The following C11orf87 variants were observed in gnomAD, a reference collection of about 807,000 sequenced individuals.
C11orf87 encodes the protein chromosome 11 open reading frame 87.
A neutral mutation model predicts 9.2 loss-of-function variants in C11orf87; 3 were observed. The ratio of observed to expected loss-of-function variants is 0.33; its 90% confidence interval spans 0.15 to 0.84. The LOEUF is 0.84. Among genes scored for constraint, C11orf87 ranks in the 40% least tolerant of loss-of-function variants. C11orf87 has a pLI of 0.55. For synonymous variants in C11orf87, 124 were observed against 124.6 expected (o/e 1.00, Z 0.03); for missense variants, 256 against 270.7 (o/e 0.95, Z 0.38).
Position 109,424,170 on chromosome 11 carries a change from T to A in C11orf87, c.537T>A (p.Ala179=), listed in dbSNP as rs1860539236. The A allele has an allele frequency of 1.2e-6, 2 of 1,614,072 alleles. No homozygotes were observed. Among genetic ancestry groups the A allele is most frequent in the Non-Finnish European group, 1.7e-6 (2 of 1,180,044 alleles). The change falls in exon 2 of 2, where the codon GCT becomes GCA. Residue 179 remains alanine (A), a synonymous_variant. Coordinates refer to ENST00000327419, the MANE Select transcript of C11orf87 (RefSeq NM_207645.4). The surrounding 1 kb of genome is among the most constrained non-coding windows in gnomAD (Gnocchi z 4.7). The part of the protein sequence containing the change: ...PASSPQGAHA[A]SSCLDTAGEG... ...CCAGTCCCCAAGGAGCACACGCAGC[T>A]TCCTCCTGTTTGGACACAGCTGGCG...
At position 109,424,655 on chromosome 11, in the gene C11orf87, G is replaced by A. The variant is rs999733979; in HGVS notation, c.*428G>A. The A allele has an allele frequency of 1.2e-5, 2 of 167,322 alleles. No individual in the cohort carries two copies. The highest frequency in any genetic ancestry group is 1.5e-5 in the Non-Finnish European group (1 of 68,452). 10.4% of individuals were successfully genotyped at this position (167,322 alleles called of 1,614,324 possible). A position where few individuals can be genotyped will look rare whatever the true frequency, so the allele number is the denominator to read the frequency against. On this transcript the variant is annotated 3_prime_UTR_variant, in exon 2 of 2. Transcript: ENST00000327419. This position sits in a 1 kb window ranked among gnomAD's most constrained non-coding sequence, Gnocchi z 4.7. ...GGAGCAAAGGGAGGGGAGGGGGCCCGGTAATGTACATAGCTGTCAAGTTAA... is the reference window on the plus strand; with the variant it reads ...GGAGCAAAGGGAGGGGAGGGGGCCCAGTAATGTACATAGCTGTCAAGTTAA...
In C11orf87 at chr11:109,425,715, A is replaced by G. The variant is rs1160396538; in HGVS notation, c.*1488A>G. Reference sequence around the variant, plus strand: ...TGGTTAATATTTAAACAGTGCCTGTAGTTCTCCCTGCATGCAGTTACCACC... The same window carrying G: ...TGGTTAATATTTAAACAGTGCCTGTGGTTCTCCCTGCATGCAGTTACCACC... On this transcript the variant is annotated 3_prime_UTR_variant, in exon 2 of 2. Coordinates refer to ENST00000327419, the MANE Select transcript of C11orf87 (RefSeq NM_207645.4). 1 of 152,610 alleles carries G rather than the reference A, an allele frequency of 6.6e-6. No individual in the cohort carries two copies. Among genetic ancestry groups the G allele is most frequent in the African/African-American group, 2.4e-5 (1 of 41,464 alleles). The allele number at this position is 152,610 out of a possible 1,614,324, so 9.5% of individuals were successfully genotyped here. A position where few individuals can be genotyped will look rare whatever the true frequency, so the allele number is the denominator to read the frequency against.
rs772963131 is a variant in C11orf87 at position 109,423,723 on chromosome 11, C to A, written c.90C>A (p.Ser30Arg). 4.3e-6 allele frequency: 7 copies of A among 1,613,486 alleles called. No homozygotes were observed. The South Asian group carries it at 4.4e-5, about 10-fold the overall frequency. The change falls in exon 2 of 2, where the codon AGC (serine) becomes AGA (arginine). Residue 30 changes from serine (S) to arginine (R), a missense_variant. By Grantham distance (110) the Ser-to-Arg change is moderately radical (BLOSUM62 -1). Coordinates refer to ENST00000327419, the MANE Select transcript of C11orf87 (RefSeq NM_207645.4). The surrounding 1 kb of genome is among the most constrained non-coding windows in gnomAD (Gnocchi z 5.3). Reference sequence around the variant, plus strand: ...TTGCTTCCCCCAACGCCAGCGGCAGCGGCAACACGGGTGCCCGCGGCCCAG... The same window carrying A: ...TTGCTTCCCCCAACGCCAGCGGCAGAGGCAACACGGGTGCCCGCGGCCCAG... ...RTFASPNASGSGNTGARGPGA... is the reference protein window; with the variant it reads ...RTFASPNASGRGNTGARGPGA...
chr11:109,425,992 G>A lies in C11orf87; in HGVS notation c.*1765G>A, dbSNP rs147524530. 76 of 152,284 alleles carry A rather than the reference G, an allele frequency of 5.0e-4. No homozygotes were observed. The highest frequency in any genetic ancestry group is 1.7e-3 in the African/African-American group (69 of 41,550). 9.4% of individuals were successfully genotyped at this position (152,284 alleles called of 1,614,324 possible). A position where few individuals can be genotyped will look rare whatever the true frequency, so the allele number is the denominator to read the frequency against. On this transcript the variant is annotated 3_prime_UTR_variant, in exon 2 of 2. Transcript: ENST00000327419. The stretch of plus-strand genomic sequence containing the variant: ...ACAAAAATACTGAGAAAAAAAGAAA[G>A]TGAGAAAATAAGATAAATATTTTAT...
At position 109,427,637 on chromosome 11, in the gene C11orf87, T is replaced by C. The variant is rs931781044; in HGVS notation, c.*3410T>C. 1.3e-5 allele frequency: 2 copies of C among 152,188 alleles called. No individual in the cohort carries two copies. Among genetic ancestry groups the C allele is most frequent in the African/African-American group, 4.8e-5 (2 of 41,464 alleles). 9.4% of individuals were successfully genotyped at this position (152,188 alleles called of 1,614,324 possible). A position where few individuals can be genotyped will look rare whatever the true frequency, so the allele number is the denominator to read the frequency against. On this transcript the variant is annotated 3_prime_UTR_variant, in exon 2 of 2. Coordinates refer to ENST00000327419, the MANE Select transcript of C11orf87 (RefSeq NM_207645.4). Reference sequence around the variant, plus strand: ...TCAAACTAAATGCTTCAAACCCCTATAGCTACAGCTTAACTTCTGCACTTG... The same window carrying C: ...TCAAACTAAATGCTTCAAACCCCTACAGCTACAGCTTAACTTCTGCACTTG...
rs1188870164 is a variant in C11orf87 at position 109,423,355 on chromosome 11, T to G, written c.-259-20T>G. On this transcript the variant is annotated intron_variant, in intron 1 of 1. Coordinates refer to ENST00000327419, the MANE Select transcript of C11orf87 (RefSeq NM_207645.4). The surrounding 1 kb of genome is among the most constrained non-coding windows in gnomAD (Gnocchi z 5.3). ...CCTGGGCAGCGGCCGAGATTCTAACTAAGCTTTGTGTCTTTGCAGCCTGGT... is the reference window on the plus strand; with the variant it reads ...CCTGGGCAGCGGCCGAGATTCTAACGAAGCTTTGTGTCTTTGCAGCCTGGT... 1 of 524,722 alleles carries G rather than the reference T, an allele frequency of 1.9e-6. No individual in the cohort carries two copies. Among genetic ancestry groups the G allele is most frequent in the Non-Finnish European group, 3.3e-6 (1 of 298,704 alleles). 32.5% of individuals were successfully genotyped at this position (524,722 alleles called of 1,614,324 possible).
At chr11:109,422,744 T>C (rs1860509255) in intron 1 of C11orf87, among the ~76,000 whole-genome samples, 1 of 146,892 alleles carries the variant, frequency 6.8e-6, no homozygotes, top group South Asian at 2.2e-4. Flanking sequence ...TTTTTTTTTT[T>C]TTTTGGAGAG....
Position 109,427,962 on chromosome 11 carries a change from A to G in C11orf87, c.*3735A>G, listed in dbSNP as rs1301639564. ...GGATACTGAAAAGTCCGGTATGTGC[A>G]TGCACTTGTTTCTCTGGGGTCAAAT... is the stretch of plus-strand genomic sequence containing the variant. On this transcript the variant is annotated 3_prime_UTR_variant, in exon 2 of 2. Coordinates refer to ENST00000327419, the MANE Select transcript of C11orf87 (RefSeq NM_207645.4). 2 of 152,132 alleles carry G rather than the reference A, an allele frequency of 1.3e-5. No individual in the cohort carries two copies. The highest frequency in any genetic ancestry group is 3.8e-4 in the East Asian group (2 of 5,200). The allele number at this position is 152,132 out of a possible 1,614,324, so 9.4% of individuals were successfully genotyped here.
chr11:109,424,103 C>A lies in C11orf87; in HGVS notation c.470C>A (p.Pro157Gln). Reference sequence around the variant, plus strand: ...TTGTCCTCTTCGTCCCCTGGCCTCCCGTGCCAGGGTCCCTGTGCTCCTCCG... The same window carrying A: ...TTGTCCTCTTCGTCCCCTGGCCTCCAGTGCCAGGGTCCCTGTGCTCCTCCG... ...SSLSSSSPGL[P>Q]CQGPCAPPPP... The change falls in exon 2 of 2, where the codon CCG becomes CAG. Residue 157 changes from proline to glutamine, a missense_variant. Transcript: ENST00000327419. The surrounding 1 kb of genome is among the most constrained non-coding windows in gnomAD (Gnocchi z 4.7). The A allele has an allele frequency of 6.2e-7, 1 of 1,613,784 alleles. No individual in the cohort carries two copies.
In C11orf87 at chr11:109,427,122, A is replaced by C. The variant is rs887360240; in HGVS notation, c.*2895A>C. The C allele has an allele frequency of 6.6e-6, 1 of 152,204 alleles. No individual in the cohort carries two copies. Among genetic ancestry groups the C allele is most frequent in the African/African-American group, 2.4e-5 (1 of 41,456 alleles). 9.4% of individuals were successfully genotyped at this position (152,204 alleles called of 1,614,324 possible). Reference sequence around the variant, plus strand: ...TCTCCCCAAAGGAATGCAAGGAGCAAGAGAAATAAAAGCATTATGTATATT... The same window carrying C: ...TCTCCCCAAAGGAATGCAAGGAGCACGAGAAATAAAAGCATTATGTATATT... On this transcript the variant is annotated 3_prime_UTR_variant, in exon 2 of 2. Coordinates refer to ENST00000327419, the MANE Select transcript of C11orf87 (RefSeq NM_207645.4).
In C11orf87 at chr11:109,423,549, G is replaced by C; in HGVS notation, c.-85G>C. On this transcript the variant is annotated 5_prime_UTR_variant, in exon 2 of 2. Transcript: ENST00000327419. This position sits in a 1 kb window ranked among gnomAD's most constrained non-coding sequence, Gnocchi z 5.3. ...TACAGGGAGCAGTTTTGGGTGGCGT[G>C]GGCTCCGTCCTCTTCTTGGCTGGTA... The C allele has an allele frequency of 7.3e-7, 1 of 1,375,586 alleles. No individual in the cohort carries two copies. The highest frequency in any genetic ancestry group is 9.7e-7 in the Non-Finnish European group (1 of 1,030,678). The allele number at this position is 1,375,586 out of a possible 1,614,324, so 85.2% of individuals were successfully genotyped here. A position where few individuals can be genotyped will look rare whatever the true frequency, so the allele number is the denominator to read the frequency against.
rs1258602175 is a variant in C11orf87 at position 109,424,717 on chromosome 11, T to G, written c.*490T>G. Reference sequence around the variant, plus strand: ...CTTCCTTCCCCTCTGACCCCTAAGCTTTCACTTTTCCTTTAGCTTCCCTTT... The same window carrying G: ...CTTCCTTCCCCTCTGACCCCTAAGCGTTCACTTTTCCTTTAGCTTCCCTTT... On this transcript the variant is annotated 3_prime_UTR_variant, in exon 2 of 2. Coordinates refer to ENST00000327419, the MANE Select transcript of C11orf87 (RefSeq NM_207645.4). This position sits in a 1 kb window ranked among gnomAD's most constrained non-coding sequence, Gnocchi z 4.7. 6.0e-6 allele frequency: 1 copy of G among 167,106 alleles called. No individual in the cohort carries two copies. The highest frequency in any genetic ancestry group is 2.4e-5 in the African/African-American group (1 of 41,422). 10.4% of individuals were successfully genotyped at this position (167,106 alleles called of 1,614,324 possible). A position where few individuals can be genotyped will look rare whatever the true frequency, so the allele number is the denominator to read the frequency against.
At position 109,423,831 on chromosome 11, in the gene C11orf87, C is replaced by G; in HGVS notation, c.198C>G (p.Val66=). The part of the protein sequence containing the change: ...QSFSSTLVLI[V]LVTLIFCLIV... ...TCTCCTCCACGCTGGTGCTGATTGT[C>G]CTGGTTACCCTCATCTTCTGCCTCA... is the stretch of plus-strand genomic sequence containing the variant. The change falls in exon 2 of 2, where the codon GTC becomes GTG. Residue 66 remains valine, a synonymous_variant. Transcript: ENST00000327419. This position sits in a 1 kb window ranked among gnomAD's most constrained non-coding sequence, Gnocchi z 5.3. 6.2e-7 allele frequency: 1 copy of G among 1,614,138 alleles called. No individual in the cohort carries two copies. The highest frequency in any genetic ancestry group is 8.5e-7 in the Non-Finnish European group (1 of 1,179,966).
rs919719425 is a variant in C11orf87 at position 109,426,839 on chromosome 11, C to G, written c.*2612C>G. 2 of 152,172 alleles carry G rather than the reference C, an allele frequency of 1.3e-5. No individual in the cohort carries two copies. The highest frequency in any genetic ancestry group is 2.4e-5 in the African/African-American group (1 of 41,444). The allele number at this position is 152,172 out of a possible 1,614,324, so 9.4% of individuals were successfully genotyped here. A position where few individuals can be genotyped will look rare whatever the true frequency, so the allele number is the denominator to read the frequency against. ...GGAGCTTCATCATTTCCAATGAGCTCCAATAAGTGCATGGATATTACTTTC... is the reference window on the plus strand; with the variant it reads ...GGAGCTTCATCATTTCCAATGAGCTGCAATAAGTGCATGGATATTACTTTC... On this transcript the variant is annotated 3_prime_UTR_variant, in exon 2 of 2. Transcript: ENST00000327419.
Position 109,422,230 on chromosome 11 carries a change from G to A in C11orf87, c.-293G>A, listed in dbSNP as rs2134819699. The stretch of plus-strand genomic sequence containing the variant: ...CAGCCGCCACTGCAGCCGCGCGGCG[G>A]GGGCTCCCTCCTTGCAGCCAGCCGG... On this transcript the variant is annotated 5_prime_UTR_variant, in exon 1 of 2. Coordinates refer to ENST00000327419, the MANE Select transcript of C11orf87 (RefSeq NM_207645.4). 2 of 203,332 alleles carry A rather than the reference G, an allele frequency of 9.8e-6. No individual in the cohort carries two copies. The highest frequency in any genetic ancestry group is 2.0e-5 in the Non-Finnish European group (2 of 100,388). 12.6% of individuals were successfully genotyped at this position (203,332 alleles called of 1,614,324 possible).
chr11:109,423,664 C>A lies in C11orf87; in HGVS notation c.31C>A (p.Leu11Met), dbSNP rs1438217667. 1 of 1,606,044 alleles carries A rather than the reference C, an allele frequency of 6.2e-7. No homozygotes were observed. The highest frequency in any genetic ancestry group is 1.8e-4 in the Middle Eastern group (1 of 5,552). The change falls in exon 2 of 2, where the codon CTG becomes ATG. Residue 11 changes from leucine (L) to methionine (M), a missense_variant. By Grantham distance (15) the Leu-to-Met change is conservative. Coordinates refer to ENST00000327419, the MANE Select transcript of C11orf87 (RefSeq NM_207645.4). This position sits in a 1 kb window ranked among gnomAD's most constrained non-coding sequence, Gnocchi z 5.3. ...TGCCAGGGCGCCGAAGGAGCTGAGG[C>A]TGGCGTTGCCGCCGTGTCTCCTCAA... is the stretch of plus-strand genomic sequence containing the variant. MSARAPKELR[L>M]ALPPCLLNRT...
At position 109,423,982 on chromosome 11, in the gene C11orf87, C is replaced by T. The variant is rs1405945025; in HGVS notation, c.349C>T (p.Arg117Ter). The change falls in exon 2 of 2, where the codon CGA becomes TGA. Residue 117 changes from arginine (R) to a stop codon, truncating the protein, a stop_gained. Transcript: ENST00000327419. LOFTEE classifies it high-confidence loss of function. This position sits in a 1 kb window ranked among gnomAD's most constrained non-coding sequence, Gnocchi z 5.3. The stretch of plus-strand genomic sequence containing the variant: ...CAGCCGCGGTGGCGGGGGGCTGCCC[C>T]GACCTGGCAGGCAGGCCCCAACCCA... ...SGSRGGGGLP[R>*]PGRQAPTHAK... 1 of 1,613,914 alleles carries T rather than the reference C, an allele frequency of 6.2e-7. No individual in the cohort carries two copies. The highest frequency in any genetic ancestry group is 2.2e-5 in the East Asian group (1 of 44,874).
In C11orf87 at chr11:109,425,224, A is replaced by G. The variant is rs1860555609; in HGVS notation, c.*997A>G. The G allele has an allele frequency of 6.0e-6, 1 of 166,838 alleles. No homozygotes were observed. The highest frequency in any genetic ancestry group is 2.4e-5 in the African/African-American group (1 of 41,346). 10.3% of individuals were successfully genotyped at this position (166,838 alleles called of 1,614,324 possible). ...TTGGGTTCTTTCTTCTTTTTCTACA[A>G]TCGAGTTAGCGTGTACTATTGGTTT... On this transcript the variant is annotated 3_prime_UTR_variant, in exon 2 of 2. Transcript: ENST00000327419.
Position 109,424,130 on chromosome 11 carries a change from C to G in C11orf87, c.497C>G (p.Pro166Arg). 1 of 1,614,034 alleles carries G rather than the reference C, an allele frequency of 6.2e-7. No homozygotes were observed. The change falls in exon 2 of 2, where the codon CCT (proline) becomes CGT (arginine). Residue 166 changes from proline (P) to arginine (R), a missense_variant. Pro to Arg is a moderately radical substitution (Grantham distance 103). Coordinates refer to ENST00000327419, the MANE Select transcript of C11orf87 (RefSeq NM_207645.4). This position sits in a 1 kb window ranked among gnomAD's most constrained non-coding sequence, Gnocchi z 4.7. ...LPCQGPCAPP[P>R]PPPASSPQGA... ...TGCCAGGGTCCCTGTGCTCCTCCGC[C>G]TCCACCGCCAGCCTCCAGTCCCCAA...
Sources: allele counts gnomAD v4.1 joint callset (sites outside exome capture counted in the v4.1 genomes callset), GRCh38; gene constraint gnomAD v4.1.1; non-coding constraint Gnocchi (gnomAD v3.1); transcripts MANE v1.5; gene names NCBI Gene and HGNC (gene_info 2026-07-23, HGNC 2026-07-21).